The following TCP11L2 variants were observed in gnomAD, a reference collection of about 807,000 sequenced individuals.
The protein encoded by TCP11L2 is T-complex protein 11-like protein 2.
Under a neutral mutation model 50.7 loss-of-function variants are expected in TCP11L2, and 39 were observed. That is an observed-to-expected ratio of 0.77 (90% CI 0.60 to 1.01). The LOEUF (loss-of-function observed/expected upper bound fraction) is 1.01, where lower values mean the gene tolerates loss of function less well. Among genes scored for constraint, TCP11L2 ranks in the 50% least tolerant of loss-of-function variants. The pLI is 0.00. For synonymous variants in TCP11L2, 192 were observed against 219.3 expected (o/e 0.88, Z 1.10); for missense variants, 612 against 614.7 (o/e 1.00, Z 0.05).
At chr12:106,316,840 T>C (rs563114936) in intron 3 of TCP11L2, among the ~76,000 whole-genome samples, 1 of 152,314 alleles carries the variant, frequency 6.6e-6, no homozygotes, top group Admixed American at 6.5e-5. Context: ...CTAATACAAA[T>C]GAATTTTTTG....
intron 6 of TCP11L2, chr12:106,329,429 TC>T (rs34388168): frequency 1.3e-6 from 2 of 1,535,320 alleles, no homozygotes; most frequent in Non-Finnish European, 1.7e-6. Flanking sequence ...TCTCTGCCGA[TC>T]CCTAAGAGAA....
Position 106,340,974 on chromosome 12 carries a change from G to T in TCP11L2, c.1291G>T (p.Asp431Tyr). ...TCAATTTTCAAGCATTGAAGAGGAG[G>T]ACAATCCTATCTGGTCCTTGATTGG... ...IGQFSSIEEE[D>Y]NPIWSLIDKR... Residue 431 changes from aspartate to tyrosine, a missense_variant, in exon 9 of 10, where the codon GAC becomes TAC. Transcript: ENST00000299045. 1 of 1,610,936 alleles carries T rather than the reference G, an allele frequency of 6.2e-7. No homozygotes were observed. Among genetic ancestry groups the T allele is most frequent in the South Asian group, 1.1e-5 (1 of 90,078 alleles).
At chr12:106,319,128 G>A (rs376752313) in intron 4 of TCP11L2, among the ~76,000 whole-genome samples, 2 of 151,858 alleles carry the variant, frequency 1.3e-5, no homozygotes, top group South Asian at 2.1e-4. Context: ...AGCCAGGATG[G>A]TCTCGATCTC....
chr12:106,326,704 T>G (rs2035557900), intron 6 of TCP11L2, among the ~76,000 whole-genome samples: 1 of 152,172 alleles, frequency 6.6e-6, no homozygotes, highest in African/African-American at 2.4e-5. Context: ...AACCCAGATG[T>G]GTCTCTGACT....
chr12:106,326,266 T>C (rs1452612551), intron 6 of TCP11L2, among the ~76,000 whole-genome samples: 3 of 152,070 alleles, frequency 2.0e-5, no homozygotes, highest in African/African-American at 7.2e-5. Flanking sequence ...GGAGAGCACA[T>C]TGATCATGGA....
At chr12:106,335,399 G>A (rs1223216094) in intron 6 of TCP11L2, among the ~76,000 whole-genome samples, 1 of 152,092 alleles carries the variant, frequency 6.6e-6, no homozygotes, top group Admixed American at 6.6e-5. Flanking sequence ...CACTTACAGA[G>A]CTCTTCCTCT....
rs939272229 is a variant in TCP11L2 at position 106,346,648 on chromosome 12, A to G, written c.*118A>G. 8.0e-7 allele frequency: 1 copy of G among 1,247,544 alleles called. No homozygotes were observed. The highest frequency in any genetic ancestry group is 1.1e-6 in the Non-Finnish European group (1 of 918,846). 77.3% of individuals were successfully genotyped at this position (1,247,544 alleles called of 1,614,324 possible). A position where few individuals can be genotyped will look rare whatever the true frequency, so the allele number is the denominator to read the frequency against. Reference sequence around the variant, plus strand: ...AGTACTGTGGTGCAGTATTAGCCCAAATCTGTGTAATGGGTAATATTAGCA... The same window carrying G: ...AGTACTGTGGTGCAGTATTAGCCCAGATCTGTGTAATGGGTAATATTAGCA... On this transcript the variant is annotated 3_prime_UTR_variant, in exon 10 of 10. Coordinates refer to ENST00000299045, the MANE Select transcript of TCP11L2 (RefSeq NM_152772.3).
At chr12:106,343,991 C>T (rs73197526) in intron 9 of TCP11L2, among the ~76,000 whole-genome samples, 13,561 of 151,052 alleles carry the variant, frequency 0.09, 668 homozygotes, top group Middle Eastern at 0.14. Flanking sequence ...ATTTCAGTTG[C>T]ACAGGTGATA....
Position 106,314,574 on chromosome 12 carries a change from T to TGA in TCP11L2, c.293+82_293+83insAG, listed in dbSNP as rs776921436. 1.5e-5 allele frequency: 9 copies of TGA among 615,924 alleles called. No homozygotes were observed. The East Asian group carries it at 2.3e-4, about 16-fold the overall frequency. 38.2% of individuals were successfully genotyped at this position (615,924 alleles called of 1,614,324 possible). ...GTGTGTGTGTGTGTGTGTGTGTGTG[T>TGA]GTGAGAGAGAGAGAGAGAGAGAGAG... On this transcript the variant is annotated intron_variant, in intron 3 of 9. Coordinates refer to ENST00000299045, the MANE Select transcript of TCP11L2 (RefSeq NM_152772.3).
intron 3 of TCP11L2, 59 bp from the exon 4 acceptor site, chr12:106,318,280 GTTTCT>G (rs1463134897): frequency 2.6e-6 from 4 of 1,551,610 alleles, no homozygotes; most frequent in Middle Eastern, 1.7e-4. Flanking sequence ...CAATGAGGAT[GTTTCT>G]TTTATAATCA....
chr12:106,329,229 T>A, intron 6 of TCP11L2: 1 of 1,430,388 alleles, frequency 7.0e-7, no homozygotes, highest in Non-Finnish European at 9.5e-7. Flanking sequence ...TATTTACCTT[T>A]AAATCCCCAG....
intron 6 of TCP11L2, among the ~76,000 whole-genome samples, chr12:106,330,524 G>T (rs111865464): frequency 6.6e-6 from 1 of 152,046 alleles, no homozygotes; most frequent in African/African-American, 2.4e-5. Context: ...CCTCAACAAC[G>T]AAGAATTATC....
At chr12:106,342,271 A>G (rs1049809053) in intron 9 of TCP11L2, among the ~76,000 whole-genome samples, 3 of 152,138 alleles carry the variant, frequency 2.0e-5, no homozygotes, top group African/African-American at 7.2e-5. Flanking sequence ...AATGCTGGGG[A>G]TCCAAGCTTC....
At chr12:106,317,900 C>G (rs1455734265) in intron 3 of TCP11L2, among the ~76,000 whole-genome samples, 1 of 152,214 alleles carries the variant, frequency 6.6e-6, no homozygotes, top group Non-Finnish European at 1.5e-5. Context: ...ACACCTAAGT[C>G]TGAAGTTGGC....
intron 3 of TCP11L2, among the ~76,000 whole-genome samples, chr12:106,316,601 T>G (rs997336845): frequency 1.3e-5 from 2 of 152,198 alleles, no homozygotes; most frequent in African/African-American, 2.4e-5. Flanking sequence ...AAAGAGGCTT[T>G]TTCCCACCAT....
upstream of TCP11L2, among the ~76,000 whole-genome samples, chr12:106,299,132 GTTT>G (rs2034379675): frequency 6.6e-6 from 1 of 152,036 alleles, no homozygotes; most frequent in African/African-American, 2.4e-5. Flanking sequence ...TTTGCTTTTT[GTTT>G]TTGTTTTTTT....
At position 106,323,644 on chromosome 12, in the gene TCP11L2, C is replaced by T. The variant is rs1226942758; in HGVS notation, c.770C>T (p.Pro257Leu). Residue 257 changes from proline (P) to leucine (L), a missense_variant and splice_region_variant, in exon 6 of 10, where the codon CCA becomes CTA. Transcript: ENST00000299045. Reference sequence around the variant, plus strand: ...TTCCAGGAAATTTTGGAAGAAACTCCAAGTGAGTATAATATAATGTGTATT... The same window carrying T: ...TTCCAGGAAATTTTGGAAGAAACTCTAAGTGAGTATAATATAATGTGTATT... The part of the protein sequence containing the change: ...TKFQEILEET[P>L]SALDQTTEWI... The T allele has an allele frequency of 1.3e-6, 2 of 1,593,418 alleles. No homozygotes were observed. The highest frequency in any genetic ancestry group is 1.4e-5 in the African/African-American group (1 of 73,986).
chr12:106,332,632 A>G (rs900102498), intron 6 of TCP11L2, among the ~76,000 whole-genome samples: 2 of 152,248 alleles, frequency 1.3e-5, no homozygotes, highest in Non-Finnish European at 2.9e-5. Flanking sequence ...CAAGGCTGAA[A>G]GTCCAAAATG....
chr12:106,302,419 C>G (rs543762815), upstream of TCP11L2, among the ~76,000 whole-genome samples: 146 of 127,312 alleles, frequency 1.1e-3, 8 homozygotes, highest in East Asian at 6.5e-3. Context: ...CCCCCGCTCC[C>G]CCACTCGGCC....
Sources: allele counts gnomAD v4.1 joint callset (sites outside exome capture counted in the v4.1 genomes callset), GRCh38; gene constraint gnomAD v4.1.1; transcripts MANE v1.5; gene names NCBI Gene and HGNC (gene_info 2026-07-23, HGNC 2026-07-21).